CPA6: variants seen among roughly 807,000 people sequenced by gnomAD.
CPA6 encodes the protein carboxypeptidase B.
Under a neutral mutation model 63.3 loss-of-function variants are expected in CPA6, and 58 were observed. The ratio of observed to expected loss-of-function variants is 0.92; its 90% CI spans 0.74 to 1.14. The LOEUF (loss-of-function observed/expected upper bound fraction) is 1.14, where lower values mean the gene tolerates loss of function less well. Among genes scored for constraint, CPA6 ranks in the 50% most tolerant of loss-of-function variants. CPA6 has a pLI of 0.00. For missense variants in CPA6, 565 were observed against 526.6 expected, an observed-to-expected ratio of 1.07 and a Z score of -0.71; for synonymous variants, 185 against 179.0, an observed-to-expected ratio of 1.03 and a Z score of -0.27.
At chr8:67,438,354 C>G (rs1413367608) in intron 8 of CPA6, among the ~76,000 whole-genome samples, 1 of 152,148 alleles carries the variant, frequency 6.6e-6, no homozygotes, top group African/African-American at 2.4e-5. Flanking sequence ...AGAGAAAAAG[C>G]AGGTCATTTA....
intron 2 of CPA6, among the ~76,000 whole-genome samples, chr8:67,597,145 T>C (rs765018197): frequency 6.6e-6 from 1 of 152,158 alleles, no homozygotes; most frequent in Non-Finnish European, 1.5e-5. Context: ...TTTCTCTTTT[T>C]TCCTTCCTTT....
At chr8:67,678,000 G>C (rs1816513777) in intron 1 of CPA6, among the ~76,000 whole-genome samples, 2 of 152,080 alleles carry the variant, frequency 1.3e-5, no homozygotes, top group South Asian at 4.2e-4. Flanking sequence ...CACTTTGGGA[G>C]TGAGGCAGGC....
chr8:67,698,070 A>G (rs1397997078), intron 1 of CPA6, among the ~76,000 whole-genome samples: 1 of 152,162 alleles, frequency 6.6e-6, no homozygotes, highest in African/African-American at 2.4e-5. Flanking sequence ...GCGAAATCTT[A>G]CAACTTTTTA....
intron 2 of CPA6, among the ~76,000 whole-genome samples, chr8:67,567,547 T>C (rs1180170493): frequency 6.6e-6 from 1 of 152,168 alleles, no homozygotes; most frequent in Non-Finnish European, 1.5e-5. Context: ...GAAAAGGAAG[T>C]CTTGGGTTTC....
chr8:67,453,687 C>A (rs896237595), intron 8 of CPA6, among the ~76,000 whole-genome samples: 3 of 151,658 alleles, frequency 2.0e-5, no homozygotes, highest in Admixed American at 2.0e-4. Flanking sequence ...ATAGATTTGG[C>A]GTCTTCTCTA....
chr8:67,483,990 G>C (rs1811417171), intron 7 of CPA6, 132 bp from the exon 8 acceptor site: 1 of 713,726 alleles, frequency 1.4e-6, no homozygotes, highest in Non-Finnish European at 2.4e-6. Context: ...CAAGCCCAGG[G>C]AGTGAAAAAG....
chr8:67,509,783 G>A (rs1455744617), intron 4 of CPA6, among the ~76,000 whole-genome samples, 165 bp from the exon 5 acceptor site: 2 of 152,026 alleles, frequency 1.3e-5, no homozygotes, highest in Non-Finnish European at 2.9e-5. Flanking sequence ...TTTTCTTTGG[G>A]ATACTTAAAA....
At chr8:67,543,063 G>A (rs577894539) in intron 2 of CPA6, among the ~76,000 whole-genome samples, 1 of 151,984 alleles carries the variant, frequency 6.6e-6, no homozygotes, top group Non-Finnish European at 1.5e-5. Flanking sequence ...ATTTCTTCTT[G>A]TTGTTGTTGT....
In CPA6 at chr8:67,692,320, T is replaced by A. The variant is rs188500610; in HGVS notation, c.116+53694A>T. On this transcript the variant is annotated intron_variant, in intron 1 of 10. Transcript: ENST00000297770. ...TACAGCCTGGGCAACAAGAGTGAAA[T>A]CCTGTCTCAAAAAAAAAAAAAAAAA... Among the ~76,000 whole-genome samples the A allele has an allele frequency of 3.7e-3, 401 of 109,576 alleles. 1 individual carries two copies. The highest frequency in any genetic ancestry group is 0.014 in the African/African-American group (349 of 24,850). 71.9% of individuals were successfully genotyped at this position (109,576 alleles called of 152,430 possible). A position where few individuals can be genotyped will look rare whatever the true frequency, so the allele number is the denominator to read the frequency against.
At chr8:67,649,890 A>G (rs1815798477) in intron 1 of CPA6, among the ~76,000 whole-genome samples, 1 of 152,204 alleles carries the variant, frequency 6.6e-6, no homozygotes, top group Non-Finnish European at 1.5e-5. Flanking sequence ...CGGCAAAGTG[A>G]CAACATTGCA....
chr8:67,511,310 G>A (rs1421270790), intron 4 of CPA6, among the ~76,000 whole-genome samples: 1 of 152,120 alleles, frequency 6.6e-6, no homozygotes, highest in African/African-American at 2.4e-5. Context: ...AGTGGTATGG[G>A]TAAAGCAAAT....
chr8:67,617,519 C>T (rs1357891194), intron 2 of CPA6, among the ~76,000 whole-genome samples: 1 of 152,198 alleles, frequency 6.6e-6, no homozygotes, highest in Non-Finnish European at 1.5e-5. Context: ...AACATACTGA[C>T]AGGCCAAATT....
intron 1 of CPA6, among the ~76,000 whole-genome samples, chr8:67,716,340 T>C (rs977485857): frequency 6.6e-6 from 1 of 152,082 alleles, no homozygotes; most frequent in East Asian, 1.9e-4. Flanking sequence ...CTACACATTT[T>C]AGGGAGAGAT....
chr8:67,530,690 A>G (rs1449156470), intron 2 of CPA6, among the ~76,000 whole-genome samples: 1 of 152,200 alleles, frequency 6.6e-6, no homozygotes, highest in Admixed American at 6.5e-5. Context: ...GATGTCTGTT[A>G]TAACTACACA....
Position 67,702,302 on chromosome 8 carries a change from A to G in CPA6, c.116+43712T>C, listed in dbSNP as rs189874490. On this transcript the variant is annotated intron_variant, in intron 1 of 10. Transcript: ENST00000297770. ...CATTGAGGACAAAATCAGCATTACT[A>G]TATGGAGATAATACCCTTGTAGTCA... Among the ~76,000 whole-genome samples the G allele has an allele frequency of 1.1e-4, 17 of 152,322 alleles. No homozygotes were observed. In the East Asian group the frequency reaches 3.1e-3, roughly 28 times the overall value.
At chr8:67,728,943 G>A (rs553421557) in intron 1 of CPA6, among the ~76,000 whole-genome samples, 5 of 152,306 alleles carry the variant, frequency 3.3e-5, no homozygotes, top group African/African-American at 9.6e-5. Flanking sequence ...GGAAGAAAGA[G>A]ACCACCCAAT....
intron 2 of CPA6, among the ~76,000 whole-genome samples, chr8:67,573,620 C>T (rs1424469718): frequency 7.9e-5 from 12 of 152,048 alleles, no homozygotes; most frequent in South Asian, 6.2e-4. Context: ...AGGCCGGGCA[C>T]GGTGGTTCAC....
chr8:67,742,782 C>T (rs1424126316), intron 1 of CPA6, among the ~76,000 whole-genome samples: 1 of 152,118 alleles, frequency 6.6e-6, no homozygotes, highest in Non-Finnish European at 1.5e-5. Flanking sequence ...AAAACTGAGA[C>T]CCAGGCAGTT....
chr8:67,531,952 AAAG>A (rs991171474), intron 2 of CPA6, among the ~76,000 whole-genome samples: 25 of 152,228 alleles, frequency 1.6e-4, no homozygotes, highest in African/African-American at 5.8e-4. Flanking sequence ...CTTGCAGATT[AAAG>A]AAGTCAGTGT....
Sources: gnomAD v4.1 joint callset for allele counts (sites outside exome capture counted in the v4.1 genomes callset) on GRCh38, gnomAD v4.1.1 for gene constraint, MANE v1.5 for transcripts, NCBI Gene and HGNC (gene_info 2026-07-23, HGNC 2026-07-21) for gene names.